The following ERC2 variants were observed in gnomAD, a reference collection of about 807,000 sequenced individuals.
ERC2 encodes the protein ELKS/RAB6-interacting/CAST family member 2.
A neutral mutation model predicts 114.8 loss-of-function variants in ERC2; 42 were observed. That is an observed-to-expected ratio of 0.37 (90% CI 0.29 to 0.47). ERC2 has a LOEUF of 0.47. ERC2 is among the 20% of genes least tolerant of loss of function. The probability of loss-of-function intolerance (pLI) is 0.99; values close to 1 mark genes in which losing one functional copy is unlikely to be tolerated. For synonymous variants in ERC2, 454 were observed against 425.5 expected (o/e 1.07, Z -0.82); for missense variants, 939 against 1,150.7 (o/e 0.82, Z 2.66).
chr3:56,458,415 C>A (rs1327218935), intron 1 of ERC2, among the ~76,000 whole-genome samples: 3 of 152,182 alleles, frequency 2.0e-5, no homozygotes, highest in Non-Finnish European at 1.5e-5. Flanking sequence ...TGAAGTTATT[C>A]TAAGCAACTA....
intron 6 of ERC2, among the ~76,000 whole-genome samples, chr3:56,109,489 G>T (rs567263430): frequency 4.6e-5 from 7 of 152,210 alleles, no homozygotes; most frequent in Non-Finnish European, 1.0e-4. Context: ...ACATTCACAT[G>T]CATGAGTCTT....
rs76548537 is a variant in ERC2 at position 55,908,048 on chromosome 3, G to T, written c.2404-19499C>A. On this transcript the variant is annotated intron_variant, in intron 13 of 17. Coordinates refer to ENST00000288221, the MANE Select transcript of ERC2 (RefSeq NM_015576.3). ...AAGTGATAGCGTTTAAATGACAGGG[G>T]TCACCAACTCAAAGGCTGGTAGGGC... Among the ~76,000 whole-genome samples the T allele has an allele frequency of 2.8e-4, 42 of 152,164 alleles. No homozygotes were observed. The East Asian group carries it at 7.2e-3, about 26-fold the overall frequency.
chr3:55,856,236 A>G (rs1478040440), intron 14 of ERC2, among the ~76,000 whole-genome samples: 2 of 152,172 alleles, frequency 1.3e-5, no homozygotes, highest in African/African-American at 2.4e-5. Flanking sequence ...GGGCCCACCA[A>G]TGCTCCAGTG....
chr3:55,885,248 C>T (rs905125643), intron 14 of ERC2, among the ~76,000 whole-genome samples: 2 of 152,220 alleles, frequency 1.3e-5, no homozygotes, highest in South Asian at 2.1e-4. Flanking sequence ...ACTGTTCCCA[C>T]GAACTTATGT....
intron 2 of ERC2, among the ~76,000 whole-genome samples, chr3:56,321,515 G>T (rs73088532): frequency 0.036 from 5,524 of 152,270 alleles, 219 homozygotes; most frequent in African/African-American, 0.09. Context: ...TAGTTCAGGA[G>T]CTCCTCCAAG....
chr3:55,826,423 C>G (rs935192210), intron 14 of ERC2, among the ~76,000 whole-genome samples: 2 of 152,176 alleles, frequency 1.3e-5, no homozygotes, highest in African/African-American at 4.8e-5. Context: ...TAAGTTGAAG[C>G]CTATTTGACA....
chr3:56,092,636 C>A (rs1190211414), intron 6 of ERC2, among the ~76,000 whole-genome samples: 1 of 152,088 alleles, frequency 6.6e-6, no homozygotes, highest in Admixed American at 6.5e-5. Flanking sequence ...TGAATTACTA[C>A]AAAAGGAAGT....
intron 3 of ERC2, among the ~76,000 whole-genome samples, chr3:56,185,669 G>A (rs2083553162): frequency 6.6e-6 from 1 of 152,184 alleles, no homozygotes; most frequent in African/African-American, 2.4e-5. Context: ...AGGGTGAAAT[G>A]TAGTGGGCAG....
chr3:55,529,507 G>C (rs577732764), intron 17 of ERC2, among the ~76,000 whole-genome samples: 2 of 152,092 alleles, frequency 1.3e-5, no homozygotes, highest in Non-Finnish European at 2.9e-5. Flanking sequence ...AGGTTACTTT[G>C]CAAATATATG....
At chr3:55,879,801 T>G (rs1559806643) in intron 14 of ERC2, among the ~76,000 whole-genome samples, 1 of 152,190 alleles carries the variant, frequency 6.6e-6, no homozygotes, top group Non-Finnish European at 1.5e-5. Flanking sequence ...ATTCCCAGAA[T>G]GCAGCTAAAG....
intron 1 of ERC2, among the ~76,000 whole-genome samples, chr3:56,439,325 G>T (rs1054498801): frequency 6.6e-6 from 1 of 152,146 alleles, no homozygotes; most frequent in Non-Finnish European, 1.5e-5. Flanking sequence ...TGTGCCTGCA[G>T]TCCCAGCTAC....
intron 14 of ERC2, among the ~76,000 whole-genome samples, chr3:55,846,693 TTCTC>T (rs34647203): frequency 0.038 from 5,388 of 142,850 alleles, 151 homozygotes; most frequent in South Asian, 0.09. Context: ...CTCTCTCTCT[TTCTC>T]TCTCTCTCTC....
At chr3:56,322,035 A>T (rs1182178629) in intron 2 of ERC2, among the ~76,000 whole-genome samples, 1 of 152,256 alleles carries the variant, frequency 6.6e-6, no homozygotes, top group Non-Finnish European at 1.5e-5. Context: ...GCCTGGAATC[A>T]CACAAGCATG....
intron 6 of ERC2, among the ~76,000 whole-genome samples, chr3:56,134,425 G>C (rs926106327): frequency 1.3e-5 from 2 of 152,098 alleles, no homozygotes; most frequent in African/African-American, 4.8e-5. Flanking sequence ...AAAAGTATGT[G>C]TTAAATGAAA....
chr3:55,636,029 C>T (rs1277972525), intron 17 of ERC2, among the ~76,000 whole-genome samples: 2 of 151,992 alleles, frequency 1.3e-5, no homozygotes, highest in Admixed American at 1.3e-4. Flanking sequence ...GACTGTGCCA[C>T]CATGCCCGGC....
intron 12 of ERC2, among the ~76,000 whole-genome samples, chr3:55,961,776 G>A (rs1431194061): frequency 6.8e-6 from 1 of 146,200 alleles, no homozygotes; most frequent in Non-Finnish European, 1.5e-5. Context: ...TCTGTTTTCA[G>A]AAAGGCACTT....
intron 2 of ERC2, among the ~76,000 whole-genome samples, chr3:56,370,420 G>A (rs34158034): frequency 0.25 from 38,044 of 151,982 alleles, 5,052 homozygotes; most frequent in Non-Finnish European, 0.29. Context: ...CTGGGATCAA[G>A]GAAGTAGGAA....
intron 3 of ERC2, among the ~76,000 whole-genome samples, chr3:56,233,697 A>T (rs538872831): frequency 1.3e-5 from 2 of 152,222 alleles, no homozygotes; most frequent in South Asian, 4.1e-4. Flanking sequence ...CTAGGTTATA[A>T]GCAAAGTGTC....
At chr3:55,890,776 CAG>C (rs1173043057) in intron 13 of ERC2, among the ~76,000 whole-genome samples, 2 of 152,164 alleles carry the variant, frequency 1.3e-5, no homozygotes, top group Admixed American at 1.3e-4. Flanking sequence ...ATCTTGGAGA[CAG>C]AGTTTTAAAA....
Sources: gnomAD v4.1 joint callset for allele counts (sites outside exome capture counted in the v4.1 genomes callset) on GRCh38, gnomAD v4.1.1 for gene constraint, MANE v1.5 for transcripts, NCBI Gene and HGNC (gene_info 2026-07-23, HGNC 2026-07-21) for gene names.